FREM2: variants seen among roughly 807,000 people sequenced by gnomAD.
FREM2 encodes the protein FRAS1 related extracellular matrix 2.
In FREM2, 119 loss-of-function variants were observed where a neutral mutation model predicts 219.9. The ratio of observed to expected loss-of-function variants is 0.54; its 90% CI spans 0.47 to 0.63. The LOEUF (loss-of-function observed/expected upper bound fraction) is 0.63, where lower values mean the gene tolerates loss of function less well. FREM2 is among the 30% of genes least tolerant of loss of function. The probability of loss-of-function intolerance (pLI) is 0.00; values close to 1 mark genes in which losing one functional copy is unlikely to be tolerated. For synonymous variants in FREM2, 1,562 were observed against 1,522.8 expected (o/e 1.03, Z -0.60); for missense variants, 4,030 against 3,993.6 (o/e 1.01, Z -0.25).
At chr13:38,785,423 GA>G (rs1170684493) in intron 6 of FREM2, among the ~76,000 whole-genome samples, 4 of 152,208 alleles carry the variant, frequency 2.6e-5, no homozygotes, top group African/African-American at 9.6e-5. Flanking sequence ...TGTGGATACA[GA>G]GAGCAAACGG....
Position 38,873,490 on chromosome 13 carries a change from A to C in FREM2, c.8176+556A>C, listed in dbSNP as rs542552087. Among the ~76,000 whole-genome samples the C allele has an allele frequency of 2.6e-5, 4 of 152,228 alleles. No individual in the cohort carries two copies. The East Asian group carries it at 7.7e-4, about 29-fold the overall frequency. ...ATATCTCTTTCTGATGTAAAATTCT[A>C]TTACTCTGGGGTACTTTAGTTGAAT... On this transcript the variant is annotated intron_variant, in intron 17 of 23. Coordinates refer to ENST00000280481, the MANE Select transcript of FREM2 (RefSeq NM_207361.6).
At chr13:38,850,540 T>C (rs2137911002) in intron 9 of FREM2, among the ~76,000 whole-genome samples, 1 of 152,314 alleles carries the variant, frequency 6.6e-6, no homozygotes, top group South Asian at 2.1e-4. Context: ...CAATGATTTG[T>C]TTAGTAAGTC....
intron 6 of FREM2, among the ~76,000 whole-genome samples, chr13:38,841,632 G>A (rs751910508): frequency 6.6e-6 from 1 of 151,640 alleles, no homozygotes; most frequent in Non-Finnish European, 1.5e-5. Flanking sequence ...ATTTCTTGCC[G>A]ATTCGAAGGG....
Position 38,857,946 on chromosome 13 carries a change from A to G in FREM2, c.7128A>G (p.Gln2376=), listed in dbSNP as rs1449267419. ...MADVTFPSVP[Q]IVSLLMYDDT... is the part of the protein sequence containing the mutation. ...ATGTCACTTTTCCTTCTGTCCCTCA[A>G]ATTGTATCCCTGTTGATGTATGACG... Residue 2376 remains glutamine (Q), a synonymous_variant, in exon 13 of 24, where the codon CAA becomes CAG. Coordinates refer to ENST00000280481, the MANE Select transcript of FREM2 (RefSeq NM_207361.6). 2 of 1,613,766 alleles carry G rather than the reference A, an allele frequency of 1.2e-6. No homozygotes were observed. The highest frequency in any genetic ancestry group is 1.7e-6 in the Non-Finnish European group (2 of 1,179,776).
chr13:38,829,922 A>G (rs1370853982), intron 6 of FREM2, among the ~76,000 whole-genome samples: 1 of 152,050 alleles, frequency 6.6e-6, no homozygotes, highest in African/African-American at 2.4e-5. Flanking sequence ...AATAGACATA[A>G]TGTTGACTAA....
At position 38,691,329 on chromosome 13, in the gene FREM2, G is replaced by A. The variant is rs755186990; in HGVS notation, c.3985G>A (p.Ala1329Thr). 2 of 1,613,870 alleles carry A rather than the reference G, an allele frequency of 1.2e-6. No homozygotes were observed. Among genetic ancestry groups the A allele is most frequent in the Non-Finnish European group, 8.5e-7 (1 of 1,179,800 alleles). ...TKIINNKILM[A>T]TDLDSEDKSL... ...GATTATCAACAACAAAATATTAATGGCAACAGATTTAGATTCAGAAGACAA... is the reference window on the plus strand; with the variant it reads ...GATTATCAACAACAAAATATTAATGACAACAGATTTAGATTCAGAAGACAA... The change falls in exon 1 of 24, where the codon GCA (alanine) becomes ACA (threonine). Residue 1329 changes from alanine to threonine, a missense_variant. Ala to Thr is a moderately conservative substitution (Grantham distance 58). This residue lies in a region of FREM2 where 3,102 missense variants were observed against 2,950.7 expected (regional missense o/e 1.05). Transcript: ENST00000280481.
intron 6 of FREM2, among the ~76,000 whole-genome samples, chr13:38,789,890 T>G (rs944961883): frequency 6.6e-6 from 1 of 151,868 alleles, no homozygotes; most frequent in East Asian, 1.9e-4. Context: ...ATCTTATGTT[T>G]TTCGCTTCAA....
intron 2 of FREM2, among the ~76,000 whole-genome samples, chr13:38,709,928 G>A (rs995169487): frequency 3.8e-4 from 58 of 151,496 alleles, no homozygotes; most frequent in Non-Finnish European, 2.4e-4. Flanking sequence ...TGGATCACTT[G>A]TGGTCAGGAG....
At chr13:38,816,739 G>A (rs1326328669) in intron 6 of FREM2, among the ~76,000 whole-genome samples, 17 of 152,102 alleles carry the variant, frequency 1.1e-4, no homozygotes. Flanking sequence ...AATTAGGCAA[G>A]AGAAAGAAAT....
intron 4 of FREM2, among the ~76,000 whole-genome samples, chr13:38,778,634 G>A (rs1332392674): frequency 6.6e-6 from 1 of 152,040 alleles, no homozygotes; most frequent in Non-Finnish European, 1.5e-5. Context: ...ACACACACTG[G>A]GCATTTCAGA....
chr13:38,878,495 T>C (rs372066916), intron 22 of FREM2, among the ~76,000 whole-genome samples, 174 bp downstream of exon 22: 16 of 149,110 alleles, frequency 1.1e-4, no homozygotes, highest in African/African-American at 3.9e-4. Flanking sequence ...CTGGGCAACA[T>C]AGTGAGACCC....
intron 2 of FREM2, among the ~76,000 whole-genome samples, chr13:38,743,065 C>T (rs1002626458): frequency 2.0e-5 from 3 of 152,090 alleles, no homozygotes; most frequent in African/African-American, 7.2e-5. Context: ...AAACAAGCTC[C>T]TGATGGACAA....
Position 38,753,287 on chromosome 13 carries a change from A to AT in FREM2, c.5264-11013dup, listed in dbSNP as rs545551043. ...ATGTATACACATATAATTATACTTA[A>AT]TTTTAAACACATTTTAAAATAGTCT... On this transcript the variant is annotated intron_variant, in intron 2 of 23. Coordinates refer to ENST00000280481, the MANE Select transcript of FREM2 (RefSeq NM_207361.6). 9.0e-4 allele frequency among the ~76,000 whole-genome samples: 137 copies of AT among 152,306 alleles called. 1 individual carries two copies. The highest frequency in any genetic ancestry group is 3.1e-3 in the African/African-American group (130 of 41,566).
intron 4 of FREM2, among the ~76,000 whole-genome samples, chr13:38,778,980 A>G (rs1873994764): frequency 6.6e-6 from 1 of 152,216 alleles, no homozygotes; most frequent in Admixed American, 6.5e-5. Flanking sequence ...TACTTGGTGT[A>G]TTATTTGTAC....
At chr13:38,844,056 A>G (rs1412492705) in intron 6 of FREM2, among the ~76,000 whole-genome samples, 1 of 152,178 alleles carries the variant, frequency 6.6e-6, no homozygotes, top group Non-Finnish European at 1.5e-5. Flanking sequence ...CTCATAATCA[A>G]AAGCTTTAAG....
chr13:38,794,285 A>G (rs1874681422), intron 6 of FREM2, among the ~76,000 whole-genome samples: 1 of 152,232 alleles, frequency 6.6e-6, no homozygotes, highest in South Asian at 2.1e-4. Flanking sequence ...TATTAAGGGT[A>G]TGACCATCCC....
chr13:38,774,428 G>A (rs572818693), intron 4 of FREM2, among the ~76,000 whole-genome samples: 1 of 152,148 alleles, frequency 6.6e-6, no homozygotes, highest in South Asian at 2.1e-4. Flanking sequence ...TTAGGTGATT[G>A]CATTCCCCTA....
At position 38,839,841 on chromosome 13, in the gene FREM2, T is replaced by A. The variant is rs146348379; in HGVS notation, c.6020-6732T>A. ...CAAGTGTCCCAGGTTGACTTCAGTC[T>A]GCTGTGCTGGCAGCAAGAATTTCAA... On this transcript the variant is annotated intron_variant, in intron 6 of 23. Coordinates refer to ENST00000280481, the MANE Select transcript of FREM2 (RefSeq NM_207361.6). Among the ~76,000 whole-genome samples the A allele has an allele frequency of 1.6e-4, 25 of 152,296 alleles. No individual in the cohort carries two copies. In the East Asian group the frequency reaches 4.8e-3, roughly 29 times the overall value.
In FREM2 at chr13:38,687,198, T is replaced by C; in HGVS notation, c.-147T>C. 1 of 1,168,088 alleles carries C rather than the reference T, an allele frequency of 8.6e-7. No individual in the cohort carries two copies. The highest frequency in any genetic ancestry group is 2.2e-5 in the Admixed American group (1 of 44,812). 72.4% of individuals were successfully genotyped at this position (1,168,088 alleles called of 1,614,324 possible). Reference sequence around the variant, plus strand: ...CGGACGGCGCCGCGCAACTTTGCCATCCTTCTGGCCCAGCCCCGGCTACAG... The same window carrying C: ...CGGACGGCGCCGCGCAACTTTGCCACCCTTCTGGCCCAGCCCCGGCTACAG... On this transcript the variant is annotated 5_prime_UTR_variant, in exon 1 of 24. Coordinates refer to ENST00000280481, the MANE Select transcript of FREM2 (RefSeq NM_207361.6).
Sources: gnomAD v4.1 joint callset for allele counts (sites outside exome capture counted in the v4.1 genomes callset) on GRCh38, gnomAD v4.1.1 for gene constraint, gnomAD v4.1.1 regional missense constraint, MANE v1.5 for transcripts, NCBI Gene and HGNC (gene_info 2026-07-23, HGNC 2026-07-21) for gene names.